The following MGST2 variants were observed in gnomAD, a reference collection of about 807,000 sequenced individuals.
MGST2 encodes microsomal glutathione S-transferase 2, also known as glutathione peroxidase MGST2.
MGST2 carries 9 observed loss-of-function variants against 16.6 expected under a neutral mutation model. That is an observed-to-expected ratio of 0.54 (90% CI 0.33 to 0.95). The LOEUF (loss-of-function observed/expected upper bound fraction) is 0.95. Ranked by LOEUF, MGST2 falls within the 40% of genes least tolerant of loss-of-function variation. MGST2 has a pLI of 0.03. For synonymous variants in MGST2, 79 were observed against 68.0 expected, an observed-to-expected ratio of 1.16 and a Z score of -0.79; for missense variants, 159 against 175.1, an observed-to-expected ratio of 0.91 and a Z score of 0.52.
rs1169183094 is a variant in MGST2 at position 139,735,716 on chromosome 4, A to G, written c.*49-4496A>G. ...TAATTTAGCCTCTCGACTCCAGCCTATATGCTTACAAGTCCTCAGGGGACT... is the reference window on the plus strand; with the variant it reads ...TAATTTAGCCTCTCGACTCCAGCCTGTATGCTTACAAGTCCTCAGGGGACT... On this transcript the variant is annotated intron_variant, in intron 5 of 5. Coordinates refer to the MGST2 transcript ENST00000616265. The surrounding 1 kb of genome is among the most constrained non-coding windows in gnomAD (Gnocchi z 5.8). Among the ~76,000 whole-genome samples the G allele has an allele frequency of 6.6e-6, 1 of 152,190 alleles. No homozygotes were observed. Among genetic ancestry groups the G allele is most frequent in the Non-Finnish European group, 1.5e-5 (1 of 68,018 alleles).
intron 2 of MGST2, among the ~76,000 whole-genome samples, chr4:139,683,260 G>A (rs1731361978): frequency 6.6e-6 from 1 of 152,194 alleles, no homozygotes; most frequent in Admixed American, 6.5e-5. Context: ...TCAGGTTCTG[G>A]ATATATTTTG....
chr4:139,707,977 T>G (rs1394336592), downstream of MGST2, among the ~76,000 whole-genome samples: 3 of 152,092 alleles, frequency 2.0e-5, no homozygotes, highest in Non-Finnish European at 4.4e-5. Context: ...GATGAGTAGG[T>G]TGCAAAAATT....
At chr4:139,695,342 C>A in intron 3 of MGST2, 75 bp downstream of exon 3, 1 of 1,255,518 alleles carries the variant, frequency 8.0e-7, no homozygotes. Context: ...AGATATATGG[C>A]CAGGCACGGT....
At chr4:139,750,126 C>T in the MGST2 span, among the ~76,000 whole-genome samples, 1 of 152,152 alleles carries the variant, frequency 6.6e-6, no homozygotes, top group Non-Finnish European at 1.5e-5. Context: ...GCAAGAATTC[C>T]AAACCCCCAA....
chr4:139,678,631 A>G lies in MGST2; in HGVS notation c.147A>G (p.Val49=). ...AVTGSPEFER[V]FRAQQNCVEF... ...CTGGGTCACCAGAGTTTGAGAGAGT[A>G]TTTCGGGCACAGTAAGTAATGCTTC... Residue 49 remains valine, a synonymous_variant, in exon 2 of 5, where the codon GTA becomes GTG. Coordinates refer to ENST00000265498, the MANE Select transcript of MGST2 (RefSeq NM_002413.5). 6.2e-7 allele frequency: 1 copy of G among 1,612,876 alleles called. No individual in the cohort carries two copies.
chr4:139,722,724 G>C (rs1728285482), intron 5 of MGST2, among the ~76,000 whole-genome samples: 1 of 152,174 alleles, frequency 6.6e-6, no homozygotes, highest in Non-Finnish European at 1.5e-5. Flanking sequence ...CAGTCATTAA[G>C]ACCTTTGAAA....
intron 2 of MGST2, among the ~76,000 whole-genome samples, chr4:139,684,068 G>T (rs1731418667): frequency 6.6e-6 from 1 of 152,000 alleles, no homozygotes; most frequent in Non-Finnish European, 1.5e-5. Flanking sequence ...GGGACTACAG[G>T]TGCCTGCCAC....
intron 2 of MGST2, among the ~76,000 whole-genome samples, chr4:139,693,278 G>T (rs1377688500): frequency 6.6e-6 from 1 of 152,046 alleles, no homozygotes; most frequent in East Asian, 1.9e-4. Context: ...GGTGGCAGGT[G>T]CCTGTAGTCC....
chr4:139,754,124 C>T, the MGST2 span, among the ~76,000 whole-genome samples: 1 of 152,184 alleles, frequency 6.6e-6, no homozygotes, highest in African/African-American at 2.4e-5. Flanking sequence ...GGCATATGCC[C>T]TATGACTGAA....
chr4:139,725,642 A>G, intron 5 of MGST2: 1 of 1,052,544 alleles, frequency 9.5e-7, no homozygotes, highest in Non-Finnish European at 1.4e-6. Context: ...ACATATTTTG[A>G]GTATTTCCTG....
In MGST2 at chr4:139,704,068, G is replaced by T. The variant is rs748892120; in HGVS notation, c.364G>T (p.Gly122Cys). ...LGILALLTLL[G>C]ALGIANSFLD... ...GATTTTGGCCTTGTTGACCCTCCTA[G>T]GTGCCCTGGGAATTGCAAACAGCTT... The change falls in exon 5 of 5, where the codon GGT becomes TGT. Residue 122 changes from glycine (G) to cysteine (C), a missense_variant. Physicochemically the swap from Gly to Cys is radical, Grantham distance 159. Coordinates refer to ENST00000265498, the MANE Select transcript of MGST2 (RefSeq NM_002413.5). 6.2e-7 allele frequency: 1 copy of T among 1,614,066 alleles called. No homozygotes were observed. Among genetic ancestry groups the T allele is most frequent in the South Asian group, 1.1e-5 (1 of 91,068 alleles).
In MGST2 at chr4:139,721,136, G is replaced by A. The variant is rs532207978; in HGVS notation, c.*48+16940G>A. Among the ~76,000 whole-genome samples the A allele has an allele frequency of 1.6e-4, 25 of 152,252 alleles. No homozygotes were observed. The South Asian group carries it at 4.8e-3, about 29-fold the overall frequency. ...ACAGCAAAGTCCATTCCTTCAAATCGGCAACGACTATTTCTCTCAGCAAAT... is the reference window on the plus strand; with the variant it reads ...ACAGCAAAGTCCATTCCTTCAAATCAGCAACGACTATTTCTCTCAGCAAAT... On this transcript the variant is annotated intron_variant, in intron 5 of 5. Transcript: ENST00000616265.
intron 3 of MGST2, among the ~76,000 whole-genome samples, chr4:139,699,303 T>G (rs1727109164): frequency 6.6e-6 from 1 of 152,260 alleles, no homozygotes; most frequent in African/African-American, 2.4e-5. Flanking sequence ...TTCTCTCAAC[T>G]ACAAGTGGCA....
chr4:139,696,574 G>A (rs1485463172), intron 3 of MGST2, among the ~76,000 whole-genome samples: 2 of 152,098 alleles, frequency 1.3e-5, no homozygotes, highest in African/African-American at 4.8e-5. Context: ...ATTAGCTCTT[G>A]AATTTCTCCA....
chr4:139,678,900 G>A (rs369733481), intron 2 of MGST2: 12 of 548,456 alleles, frequency 2.2e-5, no homozygotes, highest in Middle Eastern at 5.0e-4. Context: ...AGGGACTGCT[G>A]TGTCTCCCAA....
At chr4:139,668,844 A>G (rs795596) in intron 1 of MGST2, among the ~76,000 whole-genome samples, 87,167 of 151,862 alleles carry the variant, frequency 0.57, 26,769 homozygotes, top group East Asian at 0.86. Flanking sequence ...GGCCAGGGAT[A>G]TTCCTTGGGC....
At chr4:139,750,340 C>T in the MGST2 span, among the ~76,000 whole-genome samples, 3 of 152,148 alleles carry the variant, frequency 2.0e-5, no homozygotes, top group African/African-American at 4.8e-5. Context: ...TAAAATCAAC[C>T]GATCAGAGGG....
the MGST2 span, among the ~76,000 whole-genome samples, chr4:139,754,020 C>G: frequency 1.3e-5 from 2 of 152,208 alleles, no homozygotes; most frequent in African/African-American, 4.8e-5. Flanking sequence ...ATACTACCTA[C>G]TATGCACATG....
intron 1 of MGST2, among the ~76,000 whole-genome samples, chr4:139,676,479 A>C (rs1170357995): frequency 6.6e-6 from 1 of 152,168 alleles, no homozygotes; most frequent in African/African-American, 2.4e-5. Context: ...TTGATGTTAC[A>C]ATCTGGTGTT....
Sources: allele counts gnomAD v4.1 joint callset (sites outside exome capture counted in the v4.1 genomes callset), GRCh38; gene constraint gnomAD v4.1.1; non-coding constraint Gnocchi (gnomAD v3.1); transcripts MANE v1.5; gene names NCBI Gene and HGNC (gene_info 2026-07-23, HGNC 2026-07-21).